The following VAV1 variants were observed in gnomAD, a reference collection of about 807,000 sequenced individuals.
The protein encoded by VAV1 is proto-oncogene vav.
VAV1 carries 33 observed loss-of-function variants against 128.1 expected under a neutral mutation model. The observed-to-expected ratio is 0.26, with a 90% CI of 0.20 to 0.34. The LOEUF (loss-of-function observed/expected upper bound fraction) is 0.34, where lower values mean the gene tolerates loss of function less well. Ranked by LOEUF, VAV1 falls within the 10% of genes least tolerant of loss-of-function variation. The pLI is 1.00. For missense variants in VAV1, 715 were observed against 1,093.7 expected (o/e 0.65, Z 4.88); for synonymous variants, 394 against 409.8 (o/e 0.96, Z 0.47).
chr19:6,849,003 CA>C (rs1253333793), intron 23 of VAV1, among the ~76,000 whole-genome samples: 7 of 151,968 alleles, frequency 4.6e-5, no homozygotes, highest in Non-Finnish European at 1.0e-4. Context: ...CCTTGTTGCC[CA>C]GGCTGGTCTC....
At chr19:6,829,941 A>T (rs371072820) in intron 14 of VAV1, 23 bp downstream of exon 14, 1 of 1,613,688 alleles carries the variant, frequency 6.2e-7, no homozygotes, top group Non-Finnish European at 8.5e-7. Flanking sequence ...CGCCGGAACT[A>T]TGGGGTCCTC....
rs182377123 is a variant in VAV1 at position 6,798,006 on chromosome 19, G to A, written c.205-22696G>A. Among the ~76,000 whole-genome samples, 93 of 152,062 alleles carry A rather than the reference G, an allele frequency of 6.1e-4. No homozygotes were observed. In the Middle Eastern group the frequency reaches 0.017, roughly 28 times the overall value. ...TATTTAAAATACATTGGTGGGGCGCGGTGGCTCACGCTGTAATCCCAGCAC... is the reference window on the plus strand; with the variant it reads ...TATTTAAAATACATTGGTGGGGCGCAGTGGCTCACGCTGTAATCCCAGCAC... On this transcript the variant is annotated intron_variant, in intron 1 of 26. Coordinates refer to ENST00000602142, the MANE Select transcript of VAV1 (RefSeq NM_005428.4).
chr19:6,785,305 C>G (rs946388197), intron 1 of VAV1, among the ~76,000 whole-genome samples: 1 of 151,806 alleles, frequency 6.6e-6, no homozygotes, highest in African/African-American at 2.4e-5. Context: ...CCAAAGTGCT[C>G]GGATACAGAC....
At chr19:6,830,337 G>A (rs1365221337) in intron 14 of VAV1, among the ~76,000 whole-genome samples, 1 of 152,074 alleles carries the variant, frequency 6.6e-6, no homozygotes, top group Admixed American at 6.6e-5. Flanking sequence ...GATTATAAGC[G>A]TGAGCCCACT....
intron 23 of VAV1, 58 bp downstream of exon 23, chr19:6,848,172 A>G (rs1489309475): frequency 1.1e-5 from 16 of 1,448,428 alleles, no homozygotes; most frequent in Non-Finnish European, 1.5e-5. Flanking sequence ...CGGGCCTGGG[A>G]AAAAGGGTAT....
chr19:6,824,376 C>A (rs1011302817), intron 6 of VAV1, among the ~76,000 whole-genome samples: 1 of 152,188 alleles, frequency 6.6e-6, no homozygotes, highest in Non-Finnish European at 1.5e-5. Flanking sequence ...CTCTTCTGGA[C>A]ATTTCATATA....
intron 1 of VAV1, among the ~76,000 whole-genome samples, chr19:6,814,652 C>CT (rs1206378839): frequency 1.9e-4 from 11 of 58,512 alleles, no homozygotes; most frequent in Non-Finnish European, 2.9e-4. Flanking sequence ...TCCTTCCTTC[C>CT]TTCCTTCCTT....
chr19:6,849,349 C>G (rs185806488), intron 23 of VAV1, among the ~76,000 whole-genome samples: 13 of 134,168 alleles, frequency 9.7e-5, no homozygotes, highest in Admixed American at 2.5e-4. Context: ...AGTGCAATGG[C>G]ATGATCTCAG....
chr19:6,853,561 TAA>T (rs1039355884), intron 25 of VAV1, among the ~76,000 whole-genome samples: 2 of 140,214 alleles, frequency 1.4e-5, no homozygotes, highest in African/African-American at 2.6e-5. Context: ...CCATCTCTAC[TAA>T]AAAAAAAAAA....
At chr19:6,775,390 G>A (rs1294052554) in intron 1 of VAV1, among the ~76,000 whole-genome samples, 1 of 152,168 alleles carries the variant, frequency 6.6e-6, no homozygotes, top group Admixed American at 6.5e-5. Flanking sequence ...GATGAAGGAC[G>A]AGGGTGCATG....
chr19:6,818,828 C>G (rs931043342), intron 1 of VAV1, among the ~76,000 whole-genome samples: 1 of 152,052 alleles, frequency 6.6e-6, no homozygotes, highest in Admixed American at 6.6e-5. Context: ...AAAGTAGAAA[C>G]AAACTGGCCG....
intron 1 of VAV1, among the ~76,000 whole-genome samples, chr19:6,805,971 T>G (rs1971388365): frequency 6.6e-6 from 1 of 152,082 alleles, no homozygotes; most frequent in Non-Finnish European, 1.5e-5. Context: ...CAAGGTCTGG[T>G]GTTCCATCAA....
intron 1 of VAV1, among the ~76,000 whole-genome samples, chr19:6,787,764 T>C (rs893890395): frequency 4.6e-5 from 7 of 151,888 alleles, no homozygotes; most frequent in Non-Finnish European, 8.8e-5. Context: ...TGCCCAACTG[T>C]TTTTTTAATG....
At chr19:6,792,035 G>A (rs1447430374) in intron 1 of VAV1, among the ~76,000 whole-genome samples, 2 of 152,084 alleles carry the variant, frequency 1.3e-5, no homozygotes, top group Non-Finnish European at 2.9e-5. Flanking sequence ...AATCCTTGGA[G>A]CATTTAAGCA....
At chr19:6,799,462 C>G (rs1400754002) in intron 1 of VAV1, among the ~76,000 whole-genome samples, 1 of 152,156 alleles carries the variant, frequency 6.6e-6, no homozygotes, top group East Asian at 1.9e-4. Context: ...GCCACCATGC[C>G]CGGCCTATAC....
At chr19:6,776,164 CCAT>C (rs1274623248) in intron 1 of VAV1, among the ~76,000 whole-genome samples, 14 of 2,202 alleles carry the variant, frequency 6.4e-3, no homozygotes, top group African/African-American at 0.012. Context: ...ATCCACCCAT[CCAT>C]CCATCCATCC....
chr19:6,820,727 C>T lies in VAV1; in HGVS notation c.230C>T (p.Thr77Ile). 6.2e-7 allele frequency: 1 copy of T among 1,614,212 alleles called. No homozygotes were observed. Among genetic ancestry groups the T allele is most frequent in the Non-Finnish European group, 8.5e-7 (1 of 1,180,042 alleles). Residue 77 changes from threonine (T) to isoleucine (I), a missense_variant, in exon 2 of 27, where the codon ACC (threonine) becomes ATC (isoleucine). This residue lies in a region of VAV1 where 302 missense variants were observed against 477.8 expected (regional missense o/e 0.63). Coordinates refer to ENST00000602142, the MANE Select transcript of VAV1 (RefSeq NM_005428.4). The surrounding 1 kb of genome is among the most constrained non-coding windows in gnomAD (Gnocchi z 4.4). ...SQFLCLKNIR[T>I]FLSTCCEKFG... is the part of the protein sequence containing the mutation. ...TTCCTGTGCCTTAAGAACATTAGAA[C>T]CTTCCTGTCCACCTGCTGTGAGAAG... is the stretch of plus-strand genomic sequence containing the variant.
At chr19:6,812,141 C>G (rs549622954) in intron 1 of VAV1, among the ~76,000 whole-genome samples, 1 of 152,318 alleles carries the variant, frequency 6.6e-6, no homozygotes, top group African/African-American at 2.4e-5. Context: ...AGCCATTTTC[C>G]AGCAGCAATT....
At position 6,850,136 on chromosome 19, in the gene VAV1, C is replaced by CT. The variant is rs113498471; in HGVS notation, c.2130-521dup. ...TTTTGGCTCCTGTGAATTTCCCTTA[C>CT]TTTTTTTTTTTTTGAGAGCTCAGCA... On this transcript the variant is annotated intron_variant, in intron 23 of 26. Coordinates refer to ENST00000602142, the MANE Select transcript of VAV1 (RefSeq NM_005428.4). Among the ~76,000 whole-genome samples, 473 of 112,766 alleles carry CT rather than the reference C, an allele frequency of 4.2e-3. 3 individuals carry two copies. The East Asian group carries it at 0.042, about 10-fold the overall frequency. The allele number at this position is 112,766 out of a possible 152,430, so 74.0% of individuals were successfully genotyped here.
Sources: gnomAD v4.1 joint callset for allele counts (sites outside exome capture counted in the v4.1 genomes callset) on GRCh38, gnomAD v4.1.1 for gene constraint, gnomAD v4.1.1 regional missense constraint, Gnocchi (gnomAD v3.1) non-coding constraint, MANE v1.5 for transcripts, NCBI Gene and HGNC (gene_info 2026-07-23, HGNC 2026-07-21) for gene names.